The following TRPV6 variants were observed in gnomAD, a reference collection of about 807,000 sequenced individuals.
The protein encoded by TRPV6 is Alu-binding protein with zinc finger domain.
TRPV6 carries 39 observed loss-of-function variants against 79.0 expected under a neutral mutation model. The ratio of observed to expected loss-of-function variants is 0.49; its 90% CI spans 0.38 to 0.64. The LOEUF (loss-of-function observed/expected upper bound fraction) is 0.64, where lower values mean the gene tolerates loss of function less well. TRPV6 is among the 30% of genes least tolerant of loss of function. The pLI, the probability that TRPV6 is intolerant of heterozygous loss-of-function variation, is 0.00. For missense variants in TRPV6, 813 were observed against 1,011.1 expected (o/e 0.80, Z 2.66); for synonymous variants, 373 against 391.9 (o/e 0.95, Z 0.57).
At chr7:142,878,117 G>T in intron 1 of TRPV6, 91 bp from the exon 2 acceptor site, 4 of 1,034,878 alleles carry the variant, frequency 3.9e-6, no homozygotes, top group Non-Finnish European at 6.0e-6. Context: ...ATTATACACA[G>T]ATGTGTGTGC....
intron 1 of TRPV6, chr7:142,881,021 G>T (rs1795180696): frequency 6.6e-6 from 1 of 152,174 alleles, no homozygotes; most frequent in Non-Finnish European, 1.5e-5. Context: ...GCAAAAAGGG[G>T]GGCCCAGCCT....
At position 142,873,423 on chromosome 7, in the gene TRPV6, C is replaced by A. The variant is rs1276793239; in HGVS notation, c.1908+25G>T. The A allele has an allele frequency of 6.2e-7, 1 of 1,610,876 alleles. No individual in the cohort carries two copies. The highest frequency in any genetic ancestry group is 1.1e-5 in the South Asian group (1 of 91,036). On this transcript the variant is annotated intron_variant, in intron 13 of 14. Coordinates refer to ENST00000359396, the MANE Select transcript of TRPV6 (RefSeq NM_018646.6). This position sits in a 1 kb window ranked among gnomAD's most constrained non-coding sequence, Gnocchi z 4.8. Reference sequence around the variant, plus strand: ...GTAGGAAGGGGATGACTTGCCCTAACCCTCCCTGCCACCAGGGGGCTCACC... The same window carrying A: ...GTAGGAAGGGGATGACTTGCCCTAAACCTCCCTGCCACCAGGGGGCTCACC...
In TRPV6 at chr7:142,874,915, G is replaced by A; in HGVS notation, c.1395C>T (p.Phe465=). 3 of 1,614,164 alleles carry A rather than the reference G, an allele frequency of 1.9e-6. No homozygotes were observed. The highest frequency in any genetic ancestry group is 2.2e-5 in the East Asian group (1 of 44,872). ...GGAAGGAAACTCACATGAGGACATG[G>A]AATGGGCCCCCAAGGATGGTCTGTC... is the stretch of plus-strand genomic sequence containing the variant. Residue 465 remains phenylalanine, a synonymous_variant, in exon 10 of 15, where the codon TTC becomes TTT. Coordinates refer to ENST00000359396, the MANE Select transcript of TRPV6 (RefSeq NM_018646.6).
chr7:142,873,693 C>G lies in TRPV6; in HGVS notation c.1663G>C (p.Glu555Gln), dbSNP rs764532505. ...AAGTGGCCTAGCTCCTCGGGGTCCT[C>G]TGTCTGGAAGATGATATAGAAGGCT... is the stretch of plus-strand genomic sequence containing the variant. Residue 555 changes from glutamate (E) to glutamine (Q), a missense_variant, in exon 13 of 15, where the codon GAG (glutamate) becomes CAG (glutamine). Physicochemically the swap from Glu to Gln is conservative, Grantham distance 29. This residue lies in a region of TRPV6 where 94 missense variants were observed against 194.0 expected (regional missense o/e 0.48). Coordinates refer to ENST00000359396, the MANE Select transcript of TRPV6 (RefSeq NM_018646.6). This position sits in a 1 kb window ranked among gnomAD's most constrained non-coding sequence, Gnocchi z 4.8. 3 of 1,614,158 alleles carry G rather than the reference C, an allele frequency of 1.9e-6. No homozygotes were observed. The highest frequency in any genetic ancestry group is 2.5e-6 in the Non-Finnish European group (3 of 1,180,030).
At chr7:142,872,540 A>G (rs1332953837) in intron 13 of TRPV6, 62 bp from the exon 14 acceptor site, 6 of 1,530,710 alleles carry the variant, frequency 3.9e-6, no homozygotes, top group African/African-American at 1.4e-5. Context: ...AGGTAGGGGT[A>G]GGGCAGCCTT....
In TRPV6 at chr7:142,876,450, A is replaced by C; in HGVS notation, c.840T>G (p.Gly280=). The C allele has an allele frequency of 6.2e-7, 1 of 1,613,986 alleles. No homozygotes were observed. Among genetic ancestry groups the C allele is most frequent in the Non-Finnish European group, 8.5e-7 (1 of 1,179,976 alleles). The change falls in exon 6 of 15, where the codon GGT becomes GGG. Residue 280 remains glycine (G), a synonymous_variant. Coordinates refer to ENST00000359396, the MANE Select transcript of TRPV6 (RefSeq NM_018646.6). The stretch of plus-strand genomic sequence containing the variant: ...CTCCAGCCAGCTTGAAAGGGGTGAG[A>C]CCCTGGTGATTGGGCACGAGGTCCA...
intron 1 of TRPV6, chr7:142,878,361 C>A: frequency 2.8e-6 from 1 of 351,844 alleles, no homozygotes; most frequent in African/African-American, 2.1e-5. Flanking sequence ...TAGACATGTG[C>A]TTACCTGCTA....
rs138018767 is a variant in TRPV6, at chr7:142,877,644, C to G, written c.469+7G>C. 226 of 1,613,860 alleles carry G rather than the reference C, an allele frequency of 1.4e-4. No individual in the cohort carries two copies. In the East Asian group the frequency reaches 4.9e-3, roughly 35 times the overall value. ...CTGCTCTTCACCCCAGACCCGTGGG[C>G]CCTCACCCTCATAGAGCTCAGATGT... On this transcript the variant is annotated splice_region_variant and intron_variant, in intron 3 of 14. Transcript: ENST00000359396.
chr7:142,872,327 C>G (rs1794955178), intron 14 of TRPV6, 45 bp downstream of exon 14: 4 of 1,597,368 alleles, frequency 2.5e-6, no homozygotes, highest in Non-Finnish European at 3.4e-6. Context: ...GGATACCCTG[C>G]CGATGAGGCT....
Position 142,871,932 on chromosome 7 carries a change from GA to G in TRPV6, c.2072del (p.Phe691SerfsTer17). On this transcript the variant is annotated frameshift_variant, in exon 15 of 15. Coordinates refer to ENST00000359396, the MANE Select transcript of TRPV6 (RefSeq NM_018646.6). LOFTEE classifies it low-confidence loss of function (END_TRUNC). ...CCAAATCCTCAGAGCCCCGGGTGTG[GA>G]AGGCCTGTGCGTAGCGTTGGATCCG... 1 of 1,613,978 alleles carries G rather than the reference GA, an allele frequency of 6.2e-7. No individual in the cohort carries two copies. The highest frequency in any genetic ancestry group is 1.1e-5 in the South Asian group (1 of 91,056).
Position 142,875,065 on chromosome 7 carries a change from A to C in TRPV6, c.1329+13T>G. 1 of 1,614,168 alleles carries C rather than the reference A, an allele frequency of 6.2e-7. No homozygotes were observed. Among genetic ancestry groups the C allele is most frequent in the South Asian group, 1.1e-5 (1 of 91,082 alleles). On this transcript the variant is annotated intron_variant, in intron 9 of 14. Transcript: ENST00000359396. The stretch of plus-strand genomic sequence containing the variant: ...GGGCAGACAGCCTCACCCAGAGTCC[A>C]TCCACACCTCACCTCTACCAGCAGG...
chr7:142,875,502 C>A lies in TRPV6; in HGVS notation c.1208G>T (p.Arg403Leu). 6.2e-7 allele frequency: 1 copy of A among 1,600,644 alleles called. No homozygotes were observed. Among genetic ancestry groups the A allele is most frequent in the Non-Finnish European group, 8.5e-7 (1 of 1,174,748 alleles). ...CTTCTGCTGTAAGAGGGTGTTGTCC[C>A]GGGGGCTCGTGCGGTTATTGGTCCT... The change falls in exon 8 of 15, where the codon CGG becomes CTG. Residue 403 changes from arginine to leucine, a missense_variant. Arg to Leu is a moderately radical substitution (Grantham distance 102). Around this residue, in one of 3 missense-constraint regions of TRPV6, gnomAD observed 555 missense variants for 631.0 expected, o/e 0.88. Coordinates refer to ENST00000359396, the MANE Select transcript of TRPV6 (RefSeq NM_018646.6).
chr7:142,871,748 T>A lies in TRPV6; in HGVS notation c.2257A>T (p.Arg753Trp), dbSNP rs1281870578. Reference sequence around the variant, plus strand: ...CAGCTCTCCCCGTCCTCCAGACCCCTGTTGATTATCCCACGCAGGTCTCTC... The same window carrying A: ...CAGCTCTCCCCGTCCTCCAGACCCCAGTTGATTATCCCACGCAGGTCTCTC... The change falls in exon 15 of 15, where the codon AGG becomes TGG. Residue 753 changes from arginine (R) to tryptophan (W), a missense_variant. Around this residue, in one of 3 missense-constraint regions of TRPV6, gnomAD observed 164 missense variants for 186.1 expected, o/e 0.88. Coordinates refer to ENST00000359396, the MANE Select transcript of TRPV6 (RefSeq NM_018646.6). 1 of 1,613,250 alleles carries A rather than the reference T, an allele frequency of 6.2e-7. No homozygotes were observed. Among genetic ancestry groups the A allele is most frequent in the African/African-American group, 1.3e-5 (1 of 74,896 alleles).
At chr7:142,872,218 C>T (rs4987680) in intron 14 of TRPV6, among the ~76,000 whole-genome samples, 154 bp downstream of exon 14, 3,929 of 152,292 alleles carry the variant, frequency 0.026, 163 homozygotes, top group African/African-American at 0.088. Context: ...GAGCTCCAAA[C>T]GGGACCCCTT....
Position 142,874,592 on chromosome 7 carries a change from C to T in TRPV6, c.1471G>A (p.Val491Met). 1 of 1,614,070 alleles carries T rather than the reference C, an allele frequency of 6.2e-7. No individual in the cohort carries two copies. The highest frequency in any genetic ancestry group is 8.5e-7 in the Non-Finnish European group (1 of 1,180,026). ...ACGAGTGCAAAGGACATGGGTACCACCTCCCCGCTGGCACTGATGAGCCGC... is the reference window on the plus strand; with the variant it reads ...ACGAGTGCAAAGGACATGGGTACCATCTCCCCGCTGGCACTGATGAGCCGC... The change falls in exon 11 of 15, where the codon GTG (valine) becomes ATG (methionine). Residue 491 changes from valine (V) to methionine (M), a missense_variant. Val to Met is a conservative substitution (Grantham distance 21, BLOSUM62 1). Coordinates refer to ENST00000359396, the MANE Select transcript of TRPV6 (RefSeq NM_018646.6).
At position 142,872,459 on chromosome 7, in the gene TRPV6, A is replaced by G. The variant is rs1794962512; in HGVS notation, c.1928T>C (p.Met643Thr). The change falls in exon 14 of 15, where the codon ATG becomes ACG. Residue 643 changes from methionine to threonine, a missense_variant. Met to Thr is a moderately conservative substitution (Grantham distance 81, BLOSUM62 -1). This residue lies in a region of TRPV6 where 164 missense variants were observed against 186.1 expected (regional missense o/e 0.88). Transcript: ENST00000359396. ...GCAGCGAGGCAGCTTCCGCTCCAGC[A>G]TCACTGTGGTGGCCACAATCTGCGT... is the stretch of plus-strand genomic sequence containing the variant. 6.2e-7 allele frequency: 1 copy of G among 1,613,870 alleles called. No homozygotes were observed. Among genetic ancestry groups the G allele is most frequent in the African/African-American group, 1.3e-5 (1 of 74,950 alleles).
chr7:142,876,032 C>T, intron 6 of TRPV6, 128 bp from the exon 7 acceptor site: 1 of 1,045,838 alleles, frequency 9.6e-7, no homozygotes, highest in East Asian at 2.5e-5. Flanking sequence ...TGATGACAGC[C>T]TTTAGAGGGC....
chr7:142,885,637 C>T lies in TRPV6; in HGVS notation c.-1G>A. The T allele has an allele frequency of 7.5e-7, 1 of 1,336,806 alleles. No individual in the cohort carries two copies. 82.8% of individuals were successfully genotyped at this position (1,336,806 alleles called of 1,614,324 possible). A position where few individuals can be genotyped will look rare whatever the true frequency, so the allele number is the denominator to read the frequency against. The stretch of plus-strand genomic sequence containing the variant: ...CACCGTCTCCCTGTAGAGGTCCCGT[C>T]TCCTGTCTCCTGCCTTCCTGACGAG... On this transcript the variant is annotated 5_prime_UTR_variant, in exon 1 of 15. Coordinates refer to ENST00000359396, the MANE Select transcript of TRPV6 (RefSeq NM_018646.6).
At chr7:142,875,428 C>G (rs1470236857) in intron 8 of TRPV6, 40 bp downstream of exon 8, 1 of 1,523,522 alleles carries the variant, frequency 6.6e-7, no homozygotes, top group African/African-American at 1.4e-5. Context: ...GACAGAGAGC[C>G]AAGTCCTGCC....
Sources: allele counts gnomAD v4.1 joint callset (sites outside exome capture counted in the v4.1 genomes callset), GRCh38; gene constraint gnomAD v4.1.1; regional missense constraint gnomAD v4.1.1; non-coding constraint Gnocchi (gnomAD v3.1); transcripts MANE v1.5; gene names NCBI Gene and HGNC (gene_info 2026-07-23, HGNC 2026-07-21).